Variants in CACNB2 observed in about 807,000 individuals in gnomAD.
CACNB2 encodes voltage-dependent L-type calcium channel subunit beta-2.
A neutral mutation model predicts 73.3 loss-of-function variants in CACNB2; 42 were observed. That is an observed-to-expected ratio of 0.57 (90% CI 0.45 to 0.74). The LOEUF (loss-of-function observed/expected upper bound fraction) is 0.74. Ranked by LOEUF, CACNB2 falls within the 30% of genes least tolerant of loss-of-function variation. The probability of loss-of-function intolerance (pLI) is 0.00; values close to 1 mark genes in which losing one functional copy is unlikely to be tolerated. For missense variants in CACNB2, 940 were observed against 853.0 expected (o/e 1.10, Z -1.27); for synonymous variants, 348 against 310.3 (o/e 1.12, Z -1.28).
intron 3 of CACNB2, among the ~76,000 whole-genome samples, chr10:18,418,194 C>A (rs905985186): frequency 1.3e-5 from 2 of 152,212 alleles, no homozygotes; most frequent in African/African-American, 4.8e-5. Flanking sequence ...CCTGCCTCAT[C>A]CTCCCGAGGA....
At chr10:18,145,784 A>G (rs1253008986) in intron 1 of CACNB2, among the ~76,000 whole-genome samples, 1 of 152,216 alleles carries the variant, frequency 6.6e-6, no homozygotes, top group Non-Finnish European at 1.5e-5. Context: ...TCACAACTGC[A>G]GACAGAGAAA....
chr10:18,258,042 C>T (rs1164180137), intron 2 of CACNB2, among the ~76,000 whole-genome samples: 1 of 152,188 alleles, frequency 6.6e-6, no homozygotes, highest in Non-Finnish European at 1.5e-5. Context: ...CCCCGCCCAG[C>T]CTCCTCAGTT....
In CACNB2 at chr10:18,449,027, G is replaced by A. The variant is rs74121229; in HGVS notation, c.333+46984G>A. 9.3e-3 allele frequency among the ~76,000 whole-genome samples: 1,409 copies of A among 152,260 alleles called. 20 individuals are homozygous for A. Among genetic ancestry groups the A allele is most frequent in the African/African-American group, 0.032 (1,323 of 41,542 alleles). ...GAACAAATGGACCTTATGAAGATAG[G>A]TCATGTCCTATGGTCTGGTAATGGT... is the stretch of plus-strand genomic sequence containing the variant. On this transcript the variant is annotated intron_variant, in intron 3 of 13. Transcript: ENST00000324631.
chr10:18,534,143 C>T lies in CACNB2; in HGVS notation c.1122C>T (p.Asp374=), dbSNP rs770364083. 6.1e-5 allele frequency: 98 copies of T among 1,613,594 alleles called. No individual in the cohort carries two copies. Among genetic ancestry groups the T allele is most frequent in the Non-Finnish European group, 7.1e-5 (84 of 1,179,664 alleles). The part of the protein sequence containing the change: ...LARTLQLVVL[D]ADTINHPAQL... ...GAACATTGCAGTTGGTGGTCCTTGACGCGGATACAATTAATCATCCAGCTC... is the reference window on the plus strand; with the variant it reads ...GAACATTGCAGTTGGTGGTCCTTGATGCGGATACAATTAATCATCCAGCTC... The change falls in exon 11 of 14, where the codon GAC becomes GAT. Residue 374 remains aspartate (D), a synonymous_variant. Transcript: ENST00000324631.
chr10:18,502,125 G>GGT (rs2050225498), intron 5 of CACNB2, among the ~76,000 whole-genome samples: 1 of 152,112 alleles, frequency 6.6e-6, no homozygotes, highest in Non-Finnish European at 1.5e-5. Context: ...TGGCCAACAT[G>GGT]GTGAAACCCC....
chr10:18,537,801 T>G (rs992315437), intron 12 of CACNB2, among the ~76,000 whole-genome samples: 2 of 152,018 alleles, frequency 1.3e-5, no homozygotes, highest in Non-Finnish European at 2.9e-5. Context: ...AAAAAAGATA[T>G]CACAATCTTT....
intron 2 of CACNB2, chr10:18,261,358 A>G (rs1364046996): frequency 6.4e-7 from 1 of 1,551,524 alleles, no homozygotes. Context: ...GGGAGCTGAA[A>G]ATACTATTCG....
rs1378296317 is a variant in CACNB2 at position 18,421,301 on chromosome 10, G to GT, written c.333+19269dup. Among the ~76,000 whole-genome samples, 643 of 140,124 alleles carry GT rather than the reference G, an allele frequency of 4.6e-3. 5 individuals carry two copies. Among genetic ancestry groups the GT allele is most frequent in the South Asian group, 0.022 (95 of 4,352 alleles). The allele number at this position is 140,124 out of a possible 152,430, so 91.9% of individuals were successfully genotyped here. A position where few individuals can be genotyped will look rare whatever the true frequency, so the allele number is the denominator to read the frequency against. On this transcript the variant is annotated intron_variant, in intron 3 of 13. Coordinates refer to ENST00000324631, the MANE Select transcript of CACNB2 (RefSeq NM_201596.3). ...CCAGTGTGGTTTTTTTTGTTTTTTT[G>GT]TTTTTTTTTTTCTAAGACAGAATTT...
At chr10:18,176,918 A>G (rs886395744) in intron 2 of CACNB2, among the ~76,000 whole-genome samples, 3 of 151,874 alleles carry the variant, frequency 2.0e-5, no homozygotes, top group African/African-American at 7.3e-5. Context: ...GATGAGTGGG[A>G]CTTTTGGTTA....
intron 3 of CACNB2, among the ~76,000 whole-genome samples, chr10:18,491,443 C>T (rs2049418453): frequency 6.6e-6 from 1 of 152,116 alleles, no homozygotes; most frequent in African/African-American, 2.4e-5. Context: ...TAAAAATTAG[C>T]TGGGCATTGT....
chr10:18,187,234 C>A (rs550070262), intron 2 of CACNB2, among the ~76,000 whole-genome samples: 2 of 152,212 alleles, frequency 1.3e-5, no homozygotes, highest in South Asian at 4.2e-4. Flanking sequence ...GAAGAACCTA[C>A]CGTGGGGATG....
chr10:18,357,224 T>C (rs1392510925), intron 2 of CACNB2, among the ~76,000 whole-genome samples: 1 of 152,092 alleles, frequency 6.6e-6, no homozygotes, highest in South Asian at 2.1e-4. Context: ...ATTACAGGCG[T>C]GAGCCACCGC....
At chr10:18,528,690 G>A (rs1016420563) in intron 10 of CACNB2, among the ~76,000 whole-genome samples, 4 of 94,756 alleles carry the variant, frequency 4.2e-5, no homozygotes, top group Non-Finnish European at 6.2e-5. Flanking sequence ...ACAACCCTTC[G>A]TTGGCAAAAC....
intron 2 of CACNB2, among the ~76,000 whole-genome samples, chr10:18,348,839 C>T (rs747031943): frequency 7.3e-4 from 111 of 152,140 alleles, no homozygotes; most frequent in Non-Finnish European, 1.3e-3. Context: ...CAGAACTAGG[C>T]CAGGCAAGAT....
intron 2 of CACNB2, chr10:18,340,627 C>A: frequency 8.0e-7 from 1 of 1,247,044 alleles, no homozygotes. Flanking sequence ...GTCTGTCTTC[C>A]AAGCCAGCTG....
intron 2 of CACNB2, among the ~76,000 whole-genome samples, chr10:18,387,568 T>C (rs1024681350): frequency 6.6e-6 from 1 of 152,148 alleles, no homozygotes; most frequent in African/African-American, 2.4e-5. Flanking sequence ...TTCCAATGAT[T>C]GTCATTTAAA....
Position 18,307,354 on chromosome 10 carries a change from C to T in CACNB2, c.214-94570C>T, listed in dbSNP as rs141427096. ...GCACACGCCTGTAGTCCCAGCTACT[C>T]GGGAGGCTGAGGCAGGAGAATCACT... is the stretch of plus-strand genomic sequence containing the variant. On this transcript the variant is annotated intron_variant, in intron 2 of 13. Coordinates refer to ENST00000324631, the MANE Select transcript of CACNB2 (RefSeq NM_201596.3). Among the ~76,000 whole-genome samples the T allele has an allele frequency of 9.8e-3, 1,497 of 152,120 alleles. 37 individuals carry two copies. Among genetic ancestry groups the T allele is most frequent in the African/African-American group, 0.034 (1,397 of 41,484 alleles).
intron 2 of CACNB2, among the ~76,000 whole-genome samples, chr10:18,374,731 A>G (rs1230212623): frequency 3.9e-5 from 6 of 152,202 alleles, no homozygotes; most frequent in African/African-American, 1.4e-4. Flanking sequence ...CAACAGCAGA[A>G]TCACAATGTA....
intron 2 of CACNB2, among the ~76,000 whole-genome samples, chr10:18,383,371 T>G (rs1239635582): frequency 6.6e-6 from 1 of 152,058 alleles, no homozygotes; most frequent in East Asian, 1.9e-4. Flanking sequence ...CTAGCAGAAG[T>G]GGGTATAAGC....
Sources: gnomAD v4.1 joint callset for allele counts (sites outside exome capture counted in the v4.1 genomes callset) on GRCh38, gnomAD v4.1.1 for gene constraint, MANE v1.5 for transcripts, NCBI Gene and HGNC (gene_info 2026-07-23, HGNC 2026-07-21) for gene names.